TNR: variants seen among roughly 807,000 people sequenced by gnomAD.
TNR encodes the protein tenascin R.
Under a neutral mutation model 150.4 loss-of-function variants are expected in TNR, and 45 were observed. The ratio of observed to expected loss-of-function variants is 0.30; its 90% CI spans 0.24 to 0.38. The LOEUF (loss-of-function observed/expected upper bound fraction) is 0.38. Ranked by LOEUF, TNR falls within the 10% of genes least tolerant of loss-of-function variation. The probability of loss-of-function intolerance (pLI) is 1.00; values close to 1 mark genes in which losing one functional copy is unlikely to be tolerated. For missense variants in TNR, 1,544 were observed against 1,759.1 expected (o/e 0.88, Z 2.19); for synonymous variants, 687 against 678.4 (o/e 1.01, Z -0.20).
chr1:175,616,878 T>G (rs1217667315), intron 1 of TNR, among the ~76,000 whole-genome samples: 1 of 152,200 alleles, frequency 6.6e-6, no homozygotes. Flanking sequence ...GCACTAAGTC[T>G]CAGTTTCTTG....
At chr1:175,496,392 C>T (rs546543343) in intron 2 of TNR, among the ~76,000 whole-genome samples, 1 of 152,230 alleles carries the variant, frequency 6.6e-6, no homozygotes, top group South Asian at 2.1e-4. Flanking sequence ...ACACATGGCT[C>T]CTTATTCCAT....
chr1:175,648,712 G>A (rs73033373), intron 1 of TNR, among the ~76,000 whole-genome samples: 1,957 of 152,106 alleles, frequency 0.013, 39 homozygotes, highest in African/African-American at 0.045. Context: ...AATGTCTCCC[G>A]CTTCCTTCAA....
chr1:175,569,831 T>C (rs957002353), intron 1 of TNR, among the ~76,000 whole-genome samples: 1 of 152,196 alleles, frequency 6.6e-6, no homozygotes, highest in Non-Finnish European at 1.5e-5. Flanking sequence ...AGATAGACAA[T>C]GAGACTCAGA....
At chr1:175,338,343 C>T (rs142701814) in intron 18 of TNR, among the ~76,000 whole-genome samples, 167 of 152,354 alleles carry the variant, frequency 1.1e-3, no homozygotes, top group African/African-American at 3.9e-3. Flanking sequence ...CTTTCAGAGA[C>T]AACAGCCCAA....
At chr1:175,349,431 G>T (rs533934054) in intron 18 of TNR, among the ~76,000 whole-genome samples, 2 of 152,288 alleles carry the variant, frequency 1.3e-5, no homozygotes, top group East Asian at 3.9e-4. Context: ...CTATATAGAT[G>T]CATGACAACA....
chr1:175,553,819 C>CAT (rs1457218938), intron 1 of TNR, among the ~76,000 whole-genome samples: 28 of 148,094 alleles, frequency 1.9e-4, no homozygotes, highest in African/African-American at 7.0e-4. Flanking sequence ...CAAGAACAAA[C>CAT]ACACACACAC....
At chr1:175,567,474 T>A (rs1661689342) in intron 1 of TNR, among the ~76,000 whole-genome samples, 1 of 152,132 alleles carries the variant, frequency 6.6e-6, no homozygotes, top group South Asian at 2.1e-4. Flanking sequence ...CCCCAAGCAG[T>A]CAGGTGATGT....
intron 4 of TNR, among the ~76,000 whole-genome samples, chr1:175,400,528 G>T (rs2102042878): frequency 6.6e-6 from 1 of 152,308 alleles, no homozygotes; most frequent in Non-Finnish European, 1.5e-5. Context: ...GGCACACTAT[G>T]AGGATAGATC....
intron 1 of TNR, among the ~76,000 whole-genome samples, chr1:175,549,631 C>T (rs1055589962): frequency 6.6e-6 from 1 of 152,158 alleles, no homozygotes; most frequent in African/African-American, 2.4e-5. Context: ...AAAAGCCTTA[C>T]TTTTTTTCAG....
At chr1:175,601,180 C>T (rs1197703904) in intron 1 of TNR, among the ~76,000 whole-genome samples, 2 of 152,196 alleles carry the variant, frequency 1.3e-5, no homozygotes, top group Non-Finnish European at 2.9e-5. Flanking sequence ...GTAGCTATAC[C>T]TCTCAGAGGA....
At chr1:175,356,574 A>G in intron 15 of TNR, 112 bp from the exon 16 acceptor site, 1 of 1,316,832 alleles carries the variant, frequency 7.6e-7, no homozygotes, top group Non-Finnish European at 1.0e-6. Context: ...TTTTGGAAAA[A>G]AATCTTTCAT....
intron 1 of TNR, among the ~76,000 whole-genome samples, chr1:175,630,209 G>T (rs2101872522): frequency 6.6e-6 from 1 of 152,338 alleles, no homozygotes; most frequent in East Asian, 1.9e-4. Flanking sequence ...ACTCCAAGAA[G>T]AGATCTGAAG....
intron 2 of TNR, among the ~76,000 whole-genome samples, chr1:175,436,024 C>T (rs1397841864): frequency 6.6e-6 from 1 of 152,216 alleles, no homozygotes; most frequent in Non-Finnish European, 1.5e-5. Flanking sequence ...GTCTGATGGG[C>T]TTCCCTTTGT....
At chr1:175,706,794 G>A (rs760203434) in intron 1 of TNR, among the ~76,000 whole-genome samples, 1 of 152,020 alleles carries the variant, frequency 6.6e-6, no homozygotes, top group Non-Finnish European at 1.5e-5. Flanking sequence ...AAGCCAAGAG[G>A]AGAGATAGTC....
chr1:175,708,392 A>G (rs1469574589), intron 1 of TNR, among the ~76,000 whole-genome samples: 1 of 152,206 alleles, frequency 6.6e-6, no homozygotes, highest in African/African-American at 2.4e-5. Context: ...TCCTTGTTAT[A>G]ATTATGAAGA....
rs769656631 is a variant in TNR, at chr1:175,363,774, T to C, written c.2641A>G (p.Met881Val). ...TISNVTKDSV[M>V]VSWSPPVASF... The stretch of plus-strand genomic sequence containing the variant: ...GCAACAGGAGGGCTCCAGGAGACCA[T>C]CACTGAGTCCTTGGTCACATTGCTA... The change falls in exon 13 of 23, where the codon ATG becomes GTG. Residue 881 changes from methionine (M) to valine (V), a missense_variant. Coordinates refer to ENST00000367674, the MANE Select transcript of TNR (RefSeq NM_003285.3). 6.2e-7 allele frequency: 1 copy of C among 1,613,960 alleles called. No homozygotes were observed. Among genetic ancestry groups the C allele is most frequent in the African/African-American group, 1.3e-5 (1 of 75,038 alleles).
At chr1:175,707,747 T>C (rs1257030685) in intron 1 of TNR, among the ~76,000 whole-genome samples, 5 of 152,194 alleles carry the variant, frequency 3.3e-5, no homozygotes, top group Admixed American at 3.3e-4. Context: ...AGGTTTATTA[T>C]GAGGCCAATA....
chr1:175,529,059 T>C (rs2102177313), intron 1 of TNR, among the ~76,000 whole-genome samples: 1 of 152,254 alleles, frequency 6.6e-6, no homozygotes, highest in Non-Finnish European at 1.5e-5. Flanking sequence ...AGTAAGCAAA[T>C]TTGTCAGCTT....
chr1:175,403,833 G>A (rs1435185726), intron 3 of TNR, among the ~76,000 whole-genome samples: 3 of 152,210 alleles, frequency 2.0e-5, no homozygotes. Flanking sequence ...AAAGATGAAT[G>A]AGATCTGGGC....
Sources: gnomAD v4.1 joint callset for allele counts (sites outside exome capture counted in the v4.1 genomes callset) on GRCh38, gnomAD v4.1.1 for gene constraint, MANE v1.5 for transcripts, NCBI Gene and HGNC (gene_info 2026-07-23, HGNC 2026-07-21) for gene names.